Variants in PCSK6 observed in about 807,000 individuals in gnomAD.
The protein encoded by PCSK6 is paired basic amino acid cleaving enzyme 4.
A neutral mutation model predicts 123.3 loss-of-function variants in PCSK6; 85 were observed. That is an observed-to-expected ratio of 0.69 (90% CI 0.58 to 0.83). The LOEUF (loss-of-function observed/expected upper bound fraction) is 0.83. Among genes scored for constraint, PCSK6 ranks in the 40% least tolerant of loss-of-function variants. PCSK6 has a pLI of 0.00. For missense variants in PCSK6, 1,191 were observed against 1,282.3 expected (o/e 0.93, Z 1.09); for synonymous variants, 508 against 516.0 (o/e 0.98, Z 0.21).
intron 2 of PCSK6, among the ~76,000 whole-genome samples, chr15:101,441,939 G>A (rs148784152): frequency 1.8e-4 from 27 of 152,228 alleles, no homozygotes; most frequent in Admixed American, 1.6e-3. Context: ...GACAGATGAC[G>A]GTCTCTCAAC....
At chr15:101,352,292 T>C (rs1175435644) in intron 13 of PCSK6, among the ~76,000 whole-genome samples, 3 of 151,680 alleles carry the variant, frequency 2.0e-5, no homozygotes, top group East Asian at 1.9e-4. Context: ...GGACTACAGG[T>C]GGCCGCCACT....
intron 11 of PCSK6, among the ~76,000 whole-genome samples, chr15:101,376,077 T>C (rs568394045): frequency 6.6e-6 from 1 of 152,198 alleles, no homozygotes; most frequent in African/African-American, 2.4e-5. Flanking sequence ...TAGTGCCACA[T>C]TTTTCACATT....
At chr15:101,412,462 T>C (rs1319835055) in intron 6 of PCSK6, among the ~76,000 whole-genome samples, 1 of 151,912 alleles carries the variant, frequency 6.6e-6, no homozygotes, top group East Asian at 1.9e-4. Context: ...TTAATAAAGA[T>C]TTTAAAGAGG....
At chr15:101,372,700 C>G (rs2041621666) in intron 11 of PCSK6, among the ~76,000 whole-genome samples, 1 of 152,268 alleles carries the variant, frequency 6.6e-6, no homozygotes, top group South Asian at 2.1e-4. Context: ...GGAGAAACGT[C>G]TATGCCGGCA....
rs35647788 is a variant in PCSK6, at chr15:101,374,029, C to T, written c.1533-3506G>A. Among the ~76,000 whole-genome samples, 633 of 152,296 alleles carry T rather than the reference C, an allele frequency of 4.2e-3. 2 individuals carry two copies. Among genetic ancestry groups the T allele is most frequent in the Middle Eastern group, 0.024 (7 of 294 alleles). Reference sequence around the variant, plus strand: ...GGGAGTCCACGGAGTTAAATGATCCCGCAAAACCTGCCTGGAGACCGTGCG... The same window carrying T: ...GGGAGTCCACGGAGTTAAATGATCCTGCAAAACCTGCCTGGAGACCGTGCG... On this transcript the variant is annotated intron_variant, in intron 11 of 21. Transcript: ENST00000611716.
chr15:101,432,605 G>A (rs2056482567), intron 2 of PCSK6, among the ~76,000 whole-genome samples: 1 of 151,694 alleles, frequency 6.6e-6, no homozygotes, highest in Non-Finnish European at 1.5e-5. Context: ...ACTCCAGTCT[G>A]GGCAACACAG....
chr15:101,478,766 G>C (rs1428894506), intron 1 of PCSK6, among the ~76,000 whole-genome samples: 1 of 152,152 alleles, frequency 6.6e-6, no homozygotes, highest in African/African-American at 2.4e-5. Context: ...TCAGTCCCAG[G>C]AAACACAGAA....
At chr15:101,362,980 C>T (rs1045839804) in intron 13 of PCSK6, among the ~76,000 whole-genome samples, 4 of 152,048 alleles carry the variant, frequency 2.6e-5, no homozygotes, top group Non-Finnish European at 5.9e-5. Flanking sequence ...TGACGAGCCC[C>T]GGTATTTTGT....
At chr15:101,411,274 A>T (rs2055674236) in intron 6 of PCSK6, among the ~76,000 whole-genome samples, 2 of 152,276 alleles carry the variant, frequency 1.3e-5, no homozygotes, top group South Asian at 2.1e-4. Flanking sequence ...CCTCGGAGTA[A>T]GGAGCTAGGG....
intron 11 of PCSK6, among the ~76,000 whole-genome samples, chr15:101,373,197 C>T (rs962968689): frequency 6.6e-6 from 1 of 152,176 alleles, no homozygotes; most frequent in Non-Finnish European, 1.5e-5. Flanking sequence ...CTCCGCCAGC[C>T]CCGCTGCTGC....
In PCSK6 at chr15:101,489,499, G is replaced by A; in HGVS notation, c.172C>T (p.Pro58Ser). Reference protein sequence around the residue: ...PWRWLLLLALPAACSAPPPRP... With the variant: ...PWRWLLLLALSAACSAPPPRP... ...GGCGGGGGCGCGGAGCAGGCGGCAG[G>A]CAGCGCCAGCAGCAGCAGCCAGCGC... The change falls in exon 1 of 22, where the codon CCT becomes TCT. Residue 58 changes from proline (P) to serine (S), a missense_variant. Physicochemically the swap from Pro to Ser is moderately conservative, Grantham distance 74. Around this residue, in one of 3 missense-constraint regions of PCSK6, gnomAD observed 204 missense variants for 166.4 expected, o/e 1.23. Transcript: ENST00000611716. 9.5e-7 allele frequency: 1 copy of A among 1,054,936 alleles called. No homozygotes were observed. Among genetic ancestry groups the A allele is most frequent in the Non-Finnish European group, 1.1e-6 (1 of 876,722 alleles). The allele number at this position is 1,054,936 out of a possible 1,614,324, so 65.3% of individuals were successfully genotyped here.
At chr15:101,431,587 C>G in intron 3 of PCSK6, 124 bp from the exon 4 acceptor site, 2 of 1,159,326 alleles carry the variant, frequency 1.7e-6, no homozygotes, top group East Asian at 5.0e-5. Flanking sequence ...AACACCTATC[C>G]CTGCCTTACA....
intron 6 of PCSK6, among the ~76,000 whole-genome samples, chr15:101,402,249 G>C (rs6598470): frequency 0.79 from 111,711 of 141,518 alleles, 44,611 homozygotes; most frequent in African/African-American, 0.91. Flanking sequence ...CCCTTCCTTA[G>C]ACCTTATACA....
At chr15:101,324,008 C>T (rs544388474) in intron 17 of PCSK6, among the ~76,000 whole-genome samples, 7 of 152,316 alleles carry the variant, frequency 4.6e-5, no homozygotes, top group East Asian at 3.9e-4. Context: ...AGGCGAATTA[C>T]GAAAACATGG....
intron 12 of PCSK6, among the ~76,000 whole-genome samples, chr15:101,366,921 G>A (rs916482750): frequency 6.6e-6 from 1 of 152,252 alleles, no homozygotes; most frequent in Non-Finnish European, 1.5e-5. Context: ...AGCTACTCAA[G>A]CTTGTGGGGA....
chr15:101,396,388 G>A (rs370009540), intron 7 of PCSK6, among the ~76,000 whole-genome samples: 21 of 152,148 alleles, frequency 1.4e-4, no homozygotes, highest in Non-Finnish European at 2.2e-4. Flanking sequence ...CCTCCTGGAC[G>A]GAGGGTGCCT....
chr15:101,321,990 C>T lies in PCSK6; in HGVS notation c.2465+530G>A, dbSNP rs143116062. Reference sequence around the variant, plus strand: ...GGCTGAAGAAACATTTCAAAATATTCCAAGAACAATCATTAACCCAGTAGA... The same window carrying T: ...GGCTGAAGAAACATTTCAAAATATTTCAAGAACAATCATTAACCCAGTAGA... On this transcript the variant is annotated intron_variant, in intron 18 of 21. Transcript: ENST00000611716. Among the ~76,000 whole-genome samples, 5 of 152,324 alleles carry T rather than the reference C, an allele frequency of 3.3e-5. No individual in the cohort carries two copies. The East Asian group carries it at 9.6e-4, about 29-fold the overall frequency.
intron 6 of PCSK6, among the ~76,000 whole-genome samples, chr15:101,401,273 C>T (rs570347590): frequency 5.3e-4 from 81 of 152,322 alleles, no homozygotes; most frequent in Non-Finnish European, 1.0e-3. Flanking sequence ...GCTGAAGTCA[C>T]GGGAAGAGCC....
chr15:101,467,664 A>G (rs2057496677), intron 1 of PCSK6, among the ~76,000 whole-genome samples: 1 of 152,248 alleles, frequency 6.6e-6, no homozygotes, highest in African/African-American at 2.4e-5. Flanking sequence ...TAGTGTTCAC[A>G]GCAGTGAAAG....
Sources: allele counts gnomAD v4.1 joint callset (sites outside exome capture counted in the v4.1 genomes callset), GRCh38; gene constraint gnomAD v4.1.1; regional missense constraint gnomAD v4.1.1; transcripts MANE v1.5; gene names NCBI Gene and HGNC (gene_info 2026-07-23, HGNC 2026-07-21).